CPVL: variants seen among roughly 807,000 people sequenced by gnomAD.
The protein encoded by CPVL is probable serine carboxypeptidase CPVL.
In CPVL, 51 loss-of-function variants were observed where a neutral mutation model predicts 63.7. That is an observed-to-expected ratio of 0.80 (90% CI 0.64 to 1.01). The LOEUF is 1.01. Ranked by LOEUF, CPVL falls within the 50% of genes least tolerant of loss-of-function variation. The pLI is 0.00. For missense variants in CPVL, 530 were observed against 573.1 expected (o/e 0.92, Z 0.77); for synonymous variants, 195 against 206.0 (o/e 0.95, Z 0.46).
intron 11 of CPVL, among the ~76,000 whole-genome samples, chr7:29,063,349 CA>C (rs1782815439): frequency 1.3e-5 from 2 of 152,158 alleles, no homozygotes; most frequent in Admixed American, 1.3e-4. Flanking sequence ...AACCATTAGG[CA>C]AAATGCATTT....
At chr7:29,084,417 T>C (rs150552149) in intron 7 of CPVL, among the ~76,000 whole-genome samples, 1,996 of 152,268 alleles carry the variant, frequency 0.013, 23 homozygotes, top group Admixed American at 0.023. Context: ...GACAATCTTA[T>C]CCAAAATAGC....
chr7:29,118,031 A>T (rs1407341691), intron 2 of CPVL, among the ~76,000 whole-genome samples: 1 of 152,236 alleles, frequency 6.6e-6, no homozygotes, highest in African/African-American at 2.4e-5. Flanking sequence ...TTTAGTATGC[A>T]CTGCCTAATT....
chr7:29,052,870 C>T (rs1790333521), intron 11 of CPVL, among the ~76,000 whole-genome samples: 1 of 152,172 alleles, frequency 6.6e-6, no homozygotes, highest in Admixed American at 6.5e-5. Flanking sequence ...GATCATGCCA[C>T]TGCACTGCAG....
rs559060796 is a variant in CPVL, at chr7:29,157,979, A to G, written c.-11+23311T>C. Reference sequence around the variant, plus strand: ...CACTCCTAAAGAGATGTTTTTTGAAAATGGTTCCAAAGAGAAACGGAAGGA... The same window carrying G: ...CACTCCTAAAGAGATGTTTTTTGAAGATGGTTCCAAAGAGAAACGGAAGGA... On this transcript the variant is annotated intron_variant, in intron 5 of 16. Coordinates refer to the CPVL transcript ENST00000409850. Among the ~76,000 whole-genome samples, 4 of 152,162 alleles carry G rather than the reference A, an allele frequency of 2.6e-5. No individual in the cohort carries two copies. The East Asian group carries it at 7.7e-4, about 29-fold the overall frequency.
intron 1 of CPVL, among the ~76,000 whole-genome samples, chr7:29,141,984 C>T (rs192508720): frequency 7.2e-5 from 11 of 152,078 alleles, no homozygotes; most frequent in Admixed American, 5.2e-4. Flanking sequence ...GGCTTCTGAT[C>T]TGCAAGTGGG....
intron 6 of CPVL, among the ~76,000 whole-genome samples, chr7:29,089,910 T>C (rs1211465155): frequency 6.6e-6 from 1 of 151,852 alleles, no homozygotes; most frequent in Non-Finnish European, 1.5e-5. Context: ...TTGCCCAGGC[T>C]GCAGTGCAGT....
intron 12 of CPVL, among the ~76,000 whole-genome samples, chr7:29,027,631 T>C (rs557932624): frequency 2.0e-4 from 31 of 152,278 alleles, no homozygotes; most frequent in African/African-American, 6.5e-4. Context: ...TTCAGTAAAG[T>C]TGTAGGATAC....
intron 5 of CPVL, among the ~76,000 whole-genome samples, chr7:29,167,863 C>G (rs568090781): frequency 6.6e-6 from 1 of 152,340 alleles, no homozygotes; most frequent in Non-Finnish European, 1.5e-5. Context: ...TGTCTGCCAG[C>G]TCCTGGCTGG....
intron 1 of CPVL, among the ~76,000 whole-genome samples, chr7:29,186,732 A>G (rs989404694): frequency 6.6e-6 from 1 of 152,202 alleles, no homozygotes; most frequent in Non-Finnish European, 1.5e-5. Context: ...AAACAGGAAA[A>G]TACTTACCAT....
At chr7:29,025,859 C>T (rs1787439869) in intron 12 of CPVL, among the ~76,000 whole-genome samples, 1 of 152,122 alleles carries the variant, frequency 6.6e-6, no homozygotes, top group South Asian at 2.1e-4. Flanking sequence ...AGATAGGCTC[C>T]AATACAATCA....
intron 1 of CPVL, among the ~76,000 whole-genome samples, chr7:29,191,267 A>T (rs1327929913): frequency 6.6e-6 from 1 of 152,240 alleles, no homozygotes; most frequent in African/African-American, 2.4e-5. Flanking sequence ...AATATATACC[A>T]AAAGTACCAT....
intron 11 of CPVL, among the ~76,000 whole-genome samples, chr7:29,055,612 C>G (rs553877535): frequency 6.6e-6 from 1 of 152,124 alleles, no homozygotes; most frequent in Non-Finnish European, 1.5e-5. Flanking sequence ...ACTGTGGGAC[C>G]AGTTTGGGCC....
intron 1 of CPVL, chr7:29,194,702 A>G (rs1783403883): frequency 5.0e-6 from 2 of 404,020 alleles, no homozygotes; most frequent in Non-Finnish European, 8.6e-6. Context: ...CCTGACACCC[A>G]TAGAAAAGCG....
At chr7:29,088,455 C>T (rs1785422527) in intron 6 of CPVL, among the ~76,000 whole-genome samples, 1 of 139,210 alleles carries the variant, frequency 7.2e-6, no homozygotes, top group Non-Finnish European at 1.6e-5. Flanking sequence ...AGCCAAAAAA[C>T]TGGCTATTTT....
intron 1 of CPVL, among the ~76,000 whole-genome samples, chr7:29,138,348 G>C (rs1192912162): frequency 6.6e-6 from 1 of 152,194 alleles, no homozygotes; most frequent in Non-Finnish European, 1.5e-5. Context: ...GCTGAGGTGG[G>C]AGGATCACTT....
intron 1 of CPVL, chr7:29,194,464 G>A (rs1373315443): frequency 6.4e-6 from 1 of 155,664 alleles, no homozygotes; most frequent in South Asian, 2.0e-4. Context: ...GAAGGGGGAG[G>A]TCGCTCTGTC....
chr7:29,037,403 AT>A (rs1322634940), intron 11 of CPVL, among the ~76,000 whole-genome samples: 1 of 151,568 alleles, frequency 6.6e-6, no homozygotes, highest in African/African-American at 2.4e-5. Flanking sequence ...AAAAAAAAAA[AT>A]TAGCCGGGCA....
At chr7:29,184,293 G>A (rs1476470882) in intron 4 of CPVL, 1 of 150,676 alleles carries the variant, frequency 6.6e-6, no homozygotes, top group African/African-American at 2.4e-5. Flanking sequence ...TATATATTTA[G>A]GAATATTATA....
At chr7:29,139,814 A>G (rs962985855) in intron 1 of CPVL, among the ~76,000 whole-genome samples, 1 of 152,162 alleles carries the variant, frequency 6.6e-6, no homozygotes, top group Non-Finnish European at 1.5e-5. Flanking sequence ...TTCTACCAAC[A>G]TGCCAATAGT....
Sources: gnomAD v4.1 joint callset for allele counts (sites outside exome capture counted in the v4.1 genomes callset) on GRCh38, gnomAD v4.1.1 for gene constraint, MANE v1.5 for transcripts, NCBI Gene and HGNC (gene_info 2026-07-23, HGNC 2026-07-21) for gene names.